Variants in LYN observed in about 807,000 individuals in gnomAD.
LYN encodes LYN proto-oncogene, Src family tyrosine kinase.
A neutral mutation model predicts 65.0 loss-of-function variants in LYN; 12 were observed. That is an observed-to-expected ratio of 0.18 (90% CI 0.12 to 0.30). The LOEUF (loss-of-function observed/expected upper bound fraction) is 0.30, where lower values mean the gene tolerates loss of function less well. Among genes scored for constraint, LYN ranks in the 10% least tolerant of loss-of-function variants. The pLI is 1.00. For missense variants in LYN, 380 were observed against 623.2 expected (o/e 0.61, Z 4.16); for synonymous variants, 222 against 221.2 (o/e 1.00, Z -0.03).
In LYN at chr8:55,999,412, C is replaced by T; in HGVS notation, c.1205-6C>T. On this transcript the variant is annotated splice_polypyrimidine_tract_variant and splice_region_variant and intron_variant, in intron 11 of 12. Transcript: ENST00000519728. ...CCAAGTAAGAACCACATATCTTCTTCCTTAGGTGCTAAGTTCCCTATTAAG... is the reference window on the plus strand; with the variant it reads ...CCAAGTAAGAACCACATATCTTCTTTCTTAGGTGCTAAGTTCCCTATTAAG... The T allele has an allele frequency of 6.2e-7, 1 of 1,613,066 alleles. No homozygotes were observed. Among genetic ancestry groups the T allele is most frequent in the Non-Finnish European group, 8.5e-7 (1 of 1,179,286 alleles).
In LYN at chr8:55,879,868, G is replaced by A. The variant is rs1354860367; in HGVS notation, c.-241G>A. 5.4e-6 allele frequency: 1 copy of A among 185,914 alleles called. No homozygotes were observed. Among genetic ancestry groups the A allele is most frequent in the Non-Finnish European group, 1.1e-5 (1 of 88,834 alleles). The allele number at this position is 185,914 out of a possible 1,614,324, so 11.5% of individuals were successfully genotyped here. On this transcript the variant is annotated 5_prime_UTR_variant, in exon 1 of 13. Coordinates refer to ENST00000519728, the MANE Select transcript of LYN (RefSeq NM_002350.4). ...TCCCGCCGCGCCGGGCCGCGCTGCCGCTCGCTCCCCGGCCGTGGCGCCTCC... is the reference window on the plus strand; with the variant it reads ...TCCCGCCGCGCCGGGCCGCGCTGCCACTCGCTCCCCGGCCGTGGCGCCTCC...
At chr8:55,895,446 G>C (rs1316862159) in intron 1 of LYN, 1 of 126,000 alleles carries the variant, frequency 7.9e-6, no homozygotes, top group African/African-American at 2.7e-5. Flanking sequence ...TGTGAACTTT[G>C]GGGTGTCTGA....
chr8:55,910,310 A>C (rs1020004104), intron 1 of LYN, among the ~76,000 whole-genome samples: 4 of 151,896 alleles, frequency 2.6e-5, no homozygotes, highest in African/African-American at 9.7e-5. Flanking sequence ...ATTCATCTTG[A>C]GTTGATTTTT....
At chr8:55,924,361 AT>A (rs58293361) in intron 1 of LYN, among the ~76,000 whole-genome samples, 10,759 of 144,258 alleles carry the variant, frequency 0.075, 552 homozygotes, top group African/African-American at 0.15. Context: ...TGGCATCCTC[AT>A]TTTTTTTTTT....
chr8:55,940,823 A>G (rs1806589351), intron 1 of LYN, among the ~76,000 whole-genome samples: 1 of 152,316 alleles, frequency 6.6e-6, no homozygotes, highest in East Asian at 1.9e-4. Flanking sequence ...GACAGAGTTC[A>G]TGTTTAGATG....
rs138898294 is a variant in LYN at position 55,986,061 on chromosome 8, C to T, written c.1051-12285C>T. On this transcript the variant is annotated intron_variant, in intron 10 of 12. Transcript: ENST00000519728. ...GTGAGCACCTGTGGTCCCAGTTACT[C>T]AGGAGGCTGAGGTAGGAGGATTGCT... 1.8e-4 allele frequency among the ~76,000 whole-genome samples: 28 copies of T among 151,948 alleles called. No homozygotes were observed. In the East Asian group the frequency reaches 5.0e-3, roughly 27 times the overall value.
At chr8:55,882,851 G>C (rs1158469185) in intron 1 of LYN, among the ~76,000 whole-genome samples, 1 of 152,106 alleles carries the variant, frequency 6.6e-6, no homozygotes, top group South Asian at 2.1e-4. Context: ...AGGAGTAGTA[G>C]GTATGTTTTT....
At chr8:55,899,733 T>A (rs1213468693) in intron 1 of LYN, among the ~76,000 whole-genome samples, 1 of 152,198 alleles carries the variant, frequency 6.6e-6, no homozygotes, top group Non-Finnish European at 1.5e-5. Flanking sequence ...CACTGCAACC[T>A]CTGCCTCCTG....
chr8:55,951,444 C>T (rs1163774404), intron 6 of LYN, among the ~76,000 whole-genome samples: 1 of 151,942 alleles, frequency 6.6e-6, no homozygotes, highest in Admixed American at 6.6e-5. Context: ...GACTGAGAAT[C>T]ACTTGAACCC....
At chr8:55,942,087 T>C in intron 2 of LYN, 96 bp downstream of exon 2, 1 of 1,245,004 alleles carries the variant, frequency 8.0e-7, no homozygotes, top group Non-Finnish European at 1.1e-6. Context: ...TGCAAAAAAA[T>C]TCCATTGATT....
At chr8:55,902,922 CACTGCA>C in intron 1 of LYN, 1 of 336,106 alleles carries the variant, frequency 3.0e-6, no homozygotes, top group Non-Finnish European at 5.8e-6. Flanking sequence ...AATCTCCACT[CACTGCA>C]ACCTCCGCCT....
chr8:55,933,138 G>A (rs900910368), intron 1 of LYN, among the ~76,000 whole-genome samples: 1 of 152,062 alleles, frequency 6.6e-6, no homozygotes, highest in Non-Finnish European at 1.5e-5. Context: ...TTTTAAAAAA[G>A]AATTACTATA....
chr8:55,890,550 T>G (rs888419787), intron 1 of LYN, among the ~76,000 whole-genome samples: 2 of 152,128 alleles, frequency 1.3e-5, no homozygotes, highest in African/African-American at 4.8e-5. Flanking sequence ...AGACATAGAA[T>G]TGCCATATGA....
chr8:55,898,442 C>T (rs559181188), intron 1 of LYN, among the ~76,000 whole-genome samples: 1 of 152,092 alleles, frequency 6.6e-6, no homozygotes, highest in Non-Finnish European at 1.5e-5. Flanking sequence ...GCACGTGCAA[C>T]CATGCCTGGC....
At chr8:55,905,013 A>G (rs1279307724) in intron 1 of LYN, among the ~76,000 whole-genome samples, 1 of 152,220 alleles carries the variant, frequency 6.6e-6, no homozygotes, top group Non-Finnish European at 1.5e-5. Context: ...GGGCCTAAGC[A>G]TCAGTATTTT....
chr8:55,995,136 C>T (rs978919587), intron 10 of LYN, among the ~76,000 whole-genome samples: 1 of 152,168 alleles, frequency 6.6e-6, no homozygotes, highest in African/African-American at 2.4e-5. Context: ...GTAGTGCCCA[C>T]TCTAGAAGGA....
At chr8:55,915,632 G>A (rs1296598822) in intron 1 of LYN, among the ~76,000 whole-genome samples, 1 of 152,218 alleles carries the variant, frequency 6.6e-6, no homozygotes, top group African/African-American at 2.4e-5. Context: ...CTTGAACCCA[G>A]GAGGCGGAGG....
intron 1 of LYN, among the ~76,000 whole-genome samples, chr8:55,897,649 C>T (rs1805154315): frequency 6.6e-6 from 1 of 152,162 alleles, no homozygotes; most frequent in Admixed American, 6.6e-5. Flanking sequence ...CAGTTGCTCA[C>T]ACCTGTAATG....
intron 1 of LYN, chr8:55,902,894 G>T: frequency 2.6e-6 from 1 of 386,480 alleles, no homozygotes; most frequent in South Asian, 1.9e-5. Context: ...TGTTGCCCAG[G>T]CTGGAGTGCA....
Sources: gnomAD v4.1 joint callset for allele counts (sites outside exome capture counted in the v4.1 genomes callset) on GRCh38, gnomAD v4.1.1 for gene constraint, MANE v1.5 for transcripts, NCBI Gene and HGNC (gene_info 2026-07-23, HGNC 2026-07-21) for gene names.